The following SPAG9 variants were observed in gnomAD, a reference collection of about 807,000 sequenced individuals.
SPAG9 encodes sperm associated antigen 9.
SPAG9 carries 35 observed loss-of-function variants against 166.5 expected under a neutral mutation model. The observed-to-expected ratio is 0.21, with a 90% confidence interval of 0.16 to 0.28. The LOEUF (loss-of-function observed/expected upper bound fraction) is 0.28, where lower values mean the gene tolerates loss of function less well. Among genes scored for constraint, SPAG9 ranks in the 10% least tolerant of loss-of-function variants. The pLI is 1.00. For missense variants in SPAG9, 1,235 were observed against 1,603.3 expected, an observed-to-expected ratio of 0.77 and a Z score of 3.92; for synonymous variants, 534 against 565.5, an observed-to-expected ratio of 0.94 and a Z score of 0.79.
intron 29 of SPAG9, among the ~76,000 whole-genome samples, chr17:50,966,661 T>C (rs1309723570): frequency 2.0e-5 from 3 of 152,218 alleles, no homozygotes; most frequent in African/African-American, 4.8e-5. Flanking sequence ...CACCCCAACA[T>C]GTCTGCATAC....
At chr17:50,999,441 G>T in intron 14 of SPAG9, 1 of 1,471,342 alleles carries the variant, frequency 6.8e-7, no homozygotes, top group Non-Finnish European at 9.0e-7. Context: ...TGCAGCTTAC[G>T]ATATCATATT....
intron 5 of SPAG9, among the ~76,000 whole-genome samples, chr17:51,037,687 T>TATATATATATATATA (rs1568028331): frequency 1.2e-4 from 9 of 74,144 alleles, no homozygotes; most frequent in African/African-American, 4.4e-4. Context: ...ATATATATAG[T>TATATATATATATATA]GTGTGTGTGT....
chr17:51,066,568 A>AAAAAAAAG (rs1264709436), intron 2 of SPAG9, among the ~76,000 whole-genome samples: 1 of 55,180 alleles, frequency 1.8e-5, no homozygotes, highest in Non-Finnish European at 3.6e-5. Context: ...AAAAAAAAAG[A>AAAAAAAAG]AAAAAAAAAA....
At chr17:51,077,021 T>TCTATCTAG (rs1555655271) in intron 2 of SPAG9, among the ~76,000 whole-genome samples, 1 of 76,122 alleles carries the variant, frequency 1.3e-5, no homozygotes, top group East Asian at 3.5e-4. Flanking sequence ...TAGCTAGCTA[T>TCTATCTAG]CTAGCTATCT....
At chr17:51,103,592 T>G (rs1001082209) in intron 1 of SPAG9, among the ~76,000 whole-genome samples, 1 of 152,024 alleles carries the variant, frequency 6.6e-6, no homozygotes, top group Non-Finnish European at 1.5e-5. Context: ...GATCACAAGG[T>G]CTTGTATGTT....
intron 1 of SPAG9, among the ~76,000 whole-genome samples, chr17:51,113,353 C>CAAAAAAAA (rs34917845): frequency 1.0e-5 from 1 of 95,914 alleles, no homozygotes; most frequent in Non-Finnish European, 2.1e-5. Context: ...AATGCCATAT[C>CAAAAAAAA]AAAAAAAAAA....
In SPAG9 at chr17:51,120,293, A is replaced by C. The variant is rs991104456; in HGVS notation, c.303+61T>G. 5.1e-6 allele frequency: 7 copies of C among 1,367,492 alleles called. No homozygotes were observed. The highest frequency in any genetic ancestry group is 3.0e-5 in the African/African-American group (2 of 66,278). 84.7% of individuals were successfully genotyped at this position (1,367,492 alleles called of 1,614,324 possible). A position where few individuals can be genotyped will look rare whatever the true frequency, so the allele number is the denominator to read the frequency against. ...GCCTCTAGTCCCCGACCGGGCCGCG[A>C]CCCCGCCCCGGCCGCCCCCGGAGAC... On this transcript the variant is annotated intron_variant, in intron 1 of 29. Transcript: ENST00000262013. This position sits in a 1 kb window ranked among gnomAD's most constrained non-coding sequence, Gnocchi z 4.7.
In SPAG9 at chr17:51,026,669, CTTTT is replaced by C. The variant is rs755135310; in HGVS notation, c.783+5008_783+5011del. Among the ~76,000 whole-genome samples, 676 of 131,050 alleles carry C rather than the reference CTTTT, an allele frequency of 5.2e-3. 1 individual carries two copies. The highest frequency in any genetic ancestry group is 9.0e-3 in the Non-Finnish European group (542 of 60,256). The allele number at this position is 131,050 out of a possible 152,430, so 86.0% of individuals were successfully genotyped here. On this transcript the variant is annotated intron_variant, in intron 6 of 29. Transcript: ENST00000262013. ...TTAGGGGTTGAGCCCTTTTCTTTTTCTTTTCTTTTTTTTTTTTTTTTTTGAGACG... is the reference window on the plus strand; with the variant it reads ...TTAGGGGTTGAGCCCTTTTCTTTTTCCTTTTTTTTTTTTTTTTTTGAGACG...
chr17:50,975,174 A>G, intron 27 of SPAG9: 1 of 457,846 alleles, frequency 2.2e-6, no homozygotes, highest in Non-Finnish European at 3.8e-6. Flanking sequence ...CAGTCTAGCA[A>G]TAAGTAAGCT....
At chr17:51,097,904 C>T (rs970894558) in intron 1 of SPAG9, among the ~76,000 whole-genome samples, 4 of 152,120 alleles carry the variant, frequency 2.6e-5, no homozygotes, top group African/African-American at 9.7e-5. Context: ...CTCACTGCAA[C>T]CTCGACCTTC....
chr17:51,115,963 T>C (rs1012694875), intron 1 of SPAG9, among the ~76,000 whole-genome samples: 3 of 152,174 alleles, frequency 2.0e-5, no homozygotes, highest in Admixed American at 6.6e-5. Flanking sequence ...AGTGATAACA[T>C]AAAAGACCCA....
chr17:51,027,644 A>G (rs1055744854), intron 6 of SPAG9, among the ~76,000 whole-genome samples: 3 of 152,160 alleles, frequency 2.0e-5, no homozygotes, highest in Admixed American at 6.5e-5. Flanking sequence ...TGCAACTGTC[A>G]TAATATCCCA....
intron 3 of SPAG9, among the ~76,000 whole-genome samples, chr17:51,050,790 A>C (rs1015290651): frequency 2.6e-5 from 4 of 152,002 alleles, no homozygotes; most frequent in African/African-American, 9.6e-5. Context: ...TGAGAAAGTA[A>C]AATAGGACAC....
At chr17:51,052,293 G>T (rs897268588) in intron 3 of SPAG9, among the ~76,000 whole-genome samples, 7 of 152,192 alleles carry the variant, frequency 4.6e-5, no homozygotes, top group Non-Finnish European at 8.8e-5. Context: ...TTTGGCTTTA[G>T]ATAGCTATTT....
chr17:51,069,171 C>A (rs968741196), intron 2 of SPAG9, among the ~76,000 whole-genome samples: 1 of 151,672 alleles, frequency 6.6e-6, no homozygotes, highest in African/African-American at 2.4e-5. Context: ...CCTAAAGCTG[C>A]CTCATTAAAA....
intron 8 of SPAG9, among the ~76,000 whole-genome samples, chr17:51,016,450 G>A (rs2045701414): frequency 6.6e-6 from 1 of 152,214 alleles, no homozygotes; most frequent in Non-Finnish European, 1.5e-5. Context: ...AGGAGAGTAA[G>A]CCCTAGGAAA....
At chr17:51,077,062 C>G in intron 2 of SPAG9, among the ~76,000 whole-genome samples, 1 of 115,680 alleles carries the variant, frequency 8.6e-6, no homozygotes, top group African/African-American at 3.7e-5. Flanking sequence ...AGCTAGCTAT[C>G]TAGCTAGCTA....
chr17:50,985,815 A>T (rs1264680644), intron 22 of SPAG9, 37 bp from the exon 23 acceptor site: 2 of 1,209,602 alleles, frequency 1.7e-6, no homozygotes, highest in Admixed American at 3.6e-5. Context: ...AGGCATAGAG[A>T]ACATCAAGAC....
intron 3 of SPAG9, among the ~76,000 whole-genome samples, chr17:51,052,529 C>A (rs1004798452): frequency 1.6e-4 from 25 of 152,140 alleles, no homozygotes; most frequent in African/African-American, 5.5e-4. Flanking sequence ...CGTGGGAAAT[C>A]TGCCTTGGTT....
Sources: allele counts gnomAD v4.1 joint callset (sites outside exome capture counted in the v4.1 genomes callset), GRCh38; gene constraint gnomAD v4.1.1; non-coding constraint Gnocchi (gnomAD v3.1); transcripts MANE v1.5; gene names NCBI Gene and HGNC (gene_info 2026-07-23, HGNC 2026-07-21).